Variants in B3GALT1 observed in about 807,000 individuals in gnomAD.
The protein encoded by B3GALT1 is beta-1,3-galactosyltransferase 1, also known as UDP-Gal:betaGlcNAc beta 1,3-galactosyltransferase, polypeptide 1.
Under a neutral mutation model 23.2 loss-of-function variants are expected in B3GALT1, and 10 were observed. The observed-to-expected ratio is 0.43, with a 90% CI of 0.27 to 0.73. B3GALT1 has a LOEUF of 0.73. Ranked by LOEUF, B3GALT1 falls within the 30% of genes least tolerant of loss-of-function variation. The probability of loss-of-function intolerance (pLI) is 0.21; values close to 1 mark genes in which losing one functional copy is unlikely to be tolerated. For missense variants in B3GALT1, 299 were observed against 405.4 expected (o/e 0.74, Z 2.25); for synonymous variants, 156 against 141.5 (o/e 1.10, Z -0.73).
At chr2:167,361,691 A>G (rs749443854) in intron 1 of B3GALT1, among the ~76,000 whole-genome samples, 1 of 152,196 alleles carries the variant, frequency 6.6e-6, no homozygotes, top group Non-Finnish European at 1.5e-5. Flanking sequence ...TCTTGTCAAC[A>G]TGCTGACAGC....
chr2:167,598,142 A>G (rs1684811968), intron 2 of B3GALT1, among the ~76,000 whole-genome samples: 1 of 152,180 alleles, frequency 6.6e-6, no homozygotes, highest in Non-Finnish European at 1.5e-5. Flanking sequence ...ATCTAGACTG[A>G]AAGGTGGAAC....
intron 1 of B3GALT1, among the ~76,000 whole-genome samples, chr2:167,417,133 C>T (rs1698484721): frequency 6.6e-6 from 1 of 151,984 alleles, no homozygotes; most frequent in South Asian, 2.1e-4. Flanking sequence ...ATGTTTGTCC[C>T]CTTCAAAATT....
At chr2:167,502,769 G>A (rs952201891) in intron 2 of B3GALT1, among the ~76,000 whole-genome samples, 1 of 152,238 alleles carries the variant, frequency 6.6e-6, no homozygotes, top group Non-Finnish European at 1.5e-5. Flanking sequence ...GCCGGGCACT[G>A]TGGCTCACGC....
rs192657764 is a variant in B3GALT1 at position 167,843,224 on chromosome 2, G to A, written c.-230+24431G>A. ...CATTTGACACTTAGAGAAAGCTGAT[G>A]TATTTTTAGTCTAATTTGACTGCCT... On this transcript the variant is annotated intron_variant, in intron 4 of 4. Coordinates refer to ENST00000392690, the MANE Select transcript of B3GALT1 (RefSeq NM_020981.4). 4.6e-5 allele frequency among the ~76,000 whole-genome samples: 7 copies of A among 152,334 alleles called. No homozygotes were observed. In the East Asian group the frequency reaches 9.6e-4, roughly 21 times the overall value.
intron 1 of B3GALT1, among the ~76,000 whole-genome samples, chr2:167,393,548 A>G (rs1185077647): frequency 6.6e-6 from 1 of 152,234 alleles, no homozygotes; most frequent in East Asian, 1.9e-4. Flanking sequence ...TTTCTTTTTA[A>G]CAAAATAAGT....
At chr2:167,306,999 C>CAT (rs1696562070) in intron 1 of B3GALT1, among the ~76,000 whole-genome samples, 1 of 151,556 alleles carries the variant, frequency 6.6e-6, no homozygotes. Flanking sequence ...AAAAGTTTAC[C>CAT]CAATTGGACC....
intron 1 of B3GALT1, among the ~76,000 whole-genome samples, chr2:167,461,883 C>A (rs1341089210): frequency 3.3e-5 from 5 of 152,056 alleles, no homozygotes; most frequent in Non-Finnish European, 7.4e-5. Flanking sequence ...CAAATATGTA[C>A]CTATGTGTAT....
At chr2:167,686,744 A>G (rs1328679263) in intron 3 of B3GALT1, among the ~76,000 whole-genome samples, 3 of 152,124 alleles carry the variant, frequency 2.0e-5, no homozygotes, top group Non-Finnish European at 4.4e-5. Context: ...CAGAGTAAAT[A>G]TATTTCTTTA....
At chr2:167,803,133 G>T (rs544093517) in intron 3 of B3GALT1, among the ~76,000 whole-genome samples, 12 of 143,054 alleles carry the variant, frequency 8.4e-5, no homozygotes, top group Non-Finnish European at 1.6e-4. Flanking sequence ...CCTTGGTTGG[G>T]CTGGGGAATG....
chr2:167,340,639 A>G (rs1265566220), intron 1 of B3GALT1, among the ~76,000 whole-genome samples: 1 of 152,140 alleles, frequency 6.6e-6, no homozygotes, highest in East Asian at 1.9e-4. Flanking sequence ...CCTTGACGTA[A>G]CTCTTTTCAT....
At chr2:167,740,477 G>A (rs921148793) in intron 3 of B3GALT1, among the ~76,000 whole-genome samples, 1 of 151,688 alleles carries the variant, frequency 6.6e-6, no homozygotes, top group Non-Finnish European at 1.5e-5. Flanking sequence ...AGTCTTTTGT[G>A]GACTTTATTT....
intron 2 of B3GALT1, among the ~76,000 whole-genome samples, chr2:167,638,278 C>A (rs1331265401): frequency 6.6e-6 from 1 of 151,912 alleles, no homozygotes; most frequent in African/African-American, 2.4e-5. Context: ...AACATTTTCA[C>A]CGTGAAGCAG....
intron 2 of B3GALT1, among the ~76,000 whole-genome samples, chr2:167,516,096 C>G (rs1700096390): frequency 6.6e-6 from 1 of 151,990 alleles, no homozygotes; most frequent in South Asian, 2.1e-4. Flanking sequence ...TTAGACACGC[C>G]TCCCCCACCA....
intron 1 of B3GALT1, among the ~76,000 whole-genome samples, chr2:167,436,501 T>C (rs928663848): frequency 6.6e-6 from 1 of 152,214 alleles, no homozygotes; most frequent in African/African-American, 2.4e-5. Flanking sequence ...AATGTCTTCA[T>C]TGCTGTTAGT....
intron 2 of B3GALT1, among the ~76,000 whole-genome samples, chr2:167,495,234 G>A (rs538003137): frequency 6.6e-6 from 1 of 151,324 alleles, no homozygotes; most frequent in East Asian, 2.0e-4. Context: ...CCTTCATGTT[G>A]ATGGGAAGTG....
intron 3 of B3GALT1, among the ~76,000 whole-genome samples, chr2:167,749,508 A>G (rs942170497): frequency 6.6e-6 from 1 of 152,196 alleles, no homozygotes; most frequent in Middle Eastern, 3.2e-3. Context: ...AACATATGTG[A>G]GGCTTCGTTC....
In B3GALT1 at chr2:167,607,784, A is replaced by G. The variant is rs540045296; in HGVS notation, c.-409-39125A>G. ...TTCACTTGAAAATCAGACTTGCTGC[A>G]AATTCCACTAGAAACTCTTAGGGCT... On this transcript the variant is annotated intron_variant, in intron 2 of 4. Transcript: ENST00000392690. 3.3e-5 allele frequency among the ~76,000 whole-genome samples: 5 copies of G among 152,318 alleles called. No homozygotes were observed. In the South Asian group the frequency reaches 1.0e-3, roughly 32 times the overall value.
chr2:167,557,422 G>T (rs1683874024), intron 2 of B3GALT1, among the ~76,000 whole-genome samples: 1 of 152,066 alleles, frequency 6.6e-6, no homozygotes, highest in Admixed American at 6.6e-5. Flanking sequence ...TGAAATTTTA[G>T]GTTTGTTATA....
intron 1 of B3GALT1, among the ~76,000 whole-genome samples, chr2:167,405,305 A>G (rs531951621): frequency 6.6e-5 from 10 of 152,284 alleles, no homozygotes; most frequent in East Asian, 3.9e-4. Context: ...TAAAAGGACT[A>G]TGTTTTAATA....
Sources: gnomAD v4.1 joint callset for allele counts (sites outside exome capture counted in the v4.1 genomes callset) on GRCh38, gnomAD v4.1.1 for gene constraint, MANE v1.5 for transcripts, NCBI Gene and HGNC (gene_info 2026-07-23, HGNC 2026-07-21) for gene names.